Variants in CALN1 observed in about 807,000 individuals in gnomAD.
CALN1 encodes calcium-binding protein 8.
CALN1 carries 17 observed loss-of-function variants against 30.6 expected under a neutral mutation model. The ratio of observed to expected loss-of-function variants is 0.56; its 90% CI spans 0.38 to 0.83. CALN1 has a LOEUF of 0.83. CALN1 is among the 40% of genes least tolerant of loss of function. The probability of loss-of-function intolerance (pLI) is 0.00; values close to 1 mark genes in which losing one functional copy is unlikely to be tolerated. For missense variants in CALN1, 291 were observed against 354.9 expected (o/e 0.82, Z 1.45); for synonymous variants, 156 against 131.4 (o/e 1.19, Z -1.28).
chr7:72,286,951 A>T (rs1163532840), intron 2 of CALN1, among the ~76,000 whole-genome samples: 4 of 152,216 alleles, frequency 2.6e-5, no homozygotes, highest in Admixed American at 2.6e-4. Flanking sequence ...ATCAAGACAA[A>T]AAGAAAAGGC....
intron 2 of CALN1, among the ~76,000 whole-genome samples, chr7:72,364,876 A>C (rs1375533650): frequency 6.6e-6 from 1 of 152,222 alleles, no homozygotes; most frequent in Non-Finnish European, 1.5e-5. Context: ...CTCTACTAAA[A>C]ACACAAAAAT....
intron 5 of CALN1, among the ~76,000 whole-genome samples, chr7:71,980,908 C>T (rs747038026): frequency 2.0e-5 from 3 of 152,078 alleles, no homozygotes; most frequent in Admixed American, 6.6e-5. Context: ...GTGCTGAGAG[C>T]AGGCTCCTCG....
the CALN1 span, among the ~76,000 whole-genome samples, chr7:72,491,646 G>T: frequency 6.6e-6 from 1 of 152,170 alleles, no homozygotes; most frequent in African/African-American, 2.4e-5. Context: ...GCACTTCACT[G>T]GGGCCTTCAG....
rs537135339 is a variant in CALN1 at position 72,234,824 on chromosome 7, T to C, written c.244+43862A>G. ...AATTTAATTTGGTATGTTCTCCAGA[T>C]GCTGGATCTCGGTAGATATCCCCTA... On this transcript the variant is annotated intron_variant, in intron 3 of 6. Transcript: ENST00000395275. Among the ~76,000 whole-genome samples the C allele has an allele frequency of 1.4e-4, 21 of 152,368 alleles. No homozygotes were observed. The South Asian group carries it at 3.3e-3, about 24-fold the overall frequency.
At chr7:72,481,286 T>A in the CALN1 span, among the ~76,000 whole-genome samples, 1 of 152,138 alleles carries the variant, frequency 6.6e-6, no homozygotes, top group Non-Finnish European at 1.5e-5. Context: ...CAGGGTTTCT[T>A]CATGTTGGCC....
At chr7:72,387,288 G>GGGAC (rs1805281912) in intron 2 of CALN1, among the ~76,000 whole-genome samples, 1 of 106,426 alleles carries the variant, frequency 9.4e-6, no homozygotes, top group African/African-American at 3.8e-5. Flanking sequence ...GAGGGAGGGA[G>GGGAC]GGAGGGAGGG....
chr7:72,150,178 C>G (rs924251611), intron 3 of CALN1, among the ~76,000 whole-genome samples: 2 of 151,654 alleles, frequency 1.3e-5, no homozygotes, highest in African/African-American at 4.8e-5. Context: ...CAGTAGCTGC[C>G]TTCTGTTGAG....
At chr7:72,406,907 C>T (rs1806735401) in intron 1 of CALN1, among the ~76,000 whole-genome samples, 1 of 152,132 alleles carries the variant, frequency 6.6e-6, no homozygotes, top group African/African-American at 2.4e-5. Flanking sequence ...TGAGCCACCG[C>T]GCCAGCCCCT....
chr7:72,329,571 T>C (rs547513898), intron 2 of CALN1, among the ~76,000 whole-genome samples: 12 of 152,342 alleles, frequency 7.9e-5, no homozygotes, highest in Non-Finnish European at 1.6e-4. Context: ...GCACTGGCTG[T>C]TCCCACACCC....
At chr7:71,818,946 G>T (rs992719254) in intron 5 of CALN1, among the ~76,000 whole-genome samples, 1 of 151,930 alleles carries the variant, frequency 6.6e-6, no homozygotes, top group Non-Finnish European at 1.5e-5. Flanking sequence ...CTGACCTCGT[G>T]ATCTGCCCGC....
intron 2 of CALN1, among the ~76,000 whole-genome samples, chr7:72,360,932 G>A (rs1803534536): frequency 6.6e-6 from 1 of 151,720 alleles, no homozygotes; most frequent in Non-Finnish European, 1.5e-5. Flanking sequence ...TCATCCTGTT[G>A]GCCAGGCTGG....
At chr7:71,811,025 G>C (rs1017700925) in intron 5 of CALN1, among the ~76,000 whole-genome samples, 4 of 151,598 alleles carry the variant, frequency 2.6e-5, no homozygotes, top group Non-Finnish European at 4.4e-5. Context: ...CTCCGTAGTA[G>C]CTGGAATTAC....
intron 5 of CALN1, among the ~76,000 whole-genome samples, chr7:71,959,007 G>A (rs1217241866): frequency 2.0e-5 from 3 of 152,182 alleles, no homozygotes; most frequent in African/African-American, 4.8e-5. Flanking sequence ...TCACATGCCT[G>A]TATTTTGGGT....
chr7:72,479,552 A>AT, the CALN1 span, among the ~76,000 whole-genome samples: 2,374 of 130,738 alleles, frequency 0.018, 82 homozygotes, highest in African/African-American at 0.053. Flanking sequence ...TTATAGCACA[A>AT]TTTTTTTTTT....
At chr7:71,860,250 T>A (rs1791196360) in intron 5 of CALN1, among the ~76,000 whole-genome samples, 1 of 150,918 alleles carries the variant, frequency 6.6e-6, no homozygotes. Context: ...TGGAGTGCAG[T>A]GGGGTGATCT....
At chr7:72,058,936 C>A (rs1803463013) in intron 4 of CALN1, among the ~76,000 whole-genome samples, 1 of 152,144 alleles carries the variant, frequency 6.6e-6, no homozygotes, top group African/African-American at 2.4e-5. Flanking sequence ...GAAGTGTAAT[C>A]ATTTTGACAT....
intron 6 of CALN1, among the ~76,000 whole-genome samples, chr7:71,804,476 C>T (rs546499668): frequency 6.6e-6 from 1 of 152,000 alleles, no homozygotes; most frequent in Non-Finnish European, 1.5e-5. Context: ...CCACTGCATT[C>T]CAGCCTGGGT....
At chr7:72,405,969 C>T (rs953846364) in intron 1 of CALN1, among the ~76,000 whole-genome samples, 8 of 152,212 alleles carry the variant, frequency 5.3e-5, no homozygotes, top group Non-Finnish European at 8.8e-5. Flanking sequence ...GAGCCCAATA[C>T]ACTTAATGAC....
chr7:71,824,724 T>C (rs1788811865), intron 5 of CALN1, among the ~76,000 whole-genome samples: 1 of 152,124 alleles, frequency 6.6e-6, no homozygotes, highest in African/African-American at 2.4e-5. Flanking sequence ...CTCCAAAATA[T>C]TTCACACCTC....
Sources: allele counts gnomAD v4.1 joint callset (sites outside exome capture counted in the v4.1 genomes callset), GRCh38; gene constraint gnomAD v4.1.1; transcripts MANE v1.5; gene names NCBI Gene and HGNC (gene_info 2026-07-23, HGNC 2026-07-21).